ADAM9: variants seen among roughly 807,000 people sequenced by gnomAD.
ADAM9 encodes ADAM metallopeptidase domain 9.
ADAM9 carries 54 observed loss-of-function variants against 108.1 expected under a neutral mutation model. The ratio of observed to expected loss-of-function variants is 0.50; its 90% CI spans 0.40 to 0.63. ADAM9 has a LOEUF of 0.63. Among genes scored for constraint, ADAM9 ranks in the 20% least tolerant of loss-of-function variants. The probability of loss-of-function intolerance (pLI) is 0.00; values close to 1 mark genes in which losing one functional copy is unlikely to be tolerated. For missense variants in ADAM9, 830 were observed against 997.7 expected (o/e 0.83, Z 2.26); for synonymous variants, 316 against 336.0 (o/e 0.94, Z 0.65).
Position 39,103,948 on chromosome 8 carries a change from C to G in ADAM9, c.*248C>G, listed in dbSNP as rs1301433887. ...CATCATTGAATAAGTCTTATTCAGT[C>G]ATCGGTGAGGTTAATGCACTAATCA... On this transcript the variant is annotated 3_prime_UTR_variant, in exon 22 of 22. Coordinates refer to ENST00000487273, the MANE Select transcript of ADAM9 (RefSeq NM_003816.3). The G allele has an allele frequency of 1.2e-5, 8 of 648,126 alleles. No homozygotes were observed. The highest frequency in any genetic ancestry group is 1.2e-4 in the South Asian group (8 of 66,218). The allele number at this position is 648,126 out of a possible 1,614,324, so 40.1% of individuals were successfully genotyped here.
intron 20 of ADAM9, among the ~76,000 whole-genome samples, chr8:39,091,606 C>G (rs770860285): frequency 4.6e-5 from 7 of 152,142 alleles, no homozygotes; most frequent in Non-Finnish European, 8.8e-5. Context: ...CGTGCCTCAG[C>G]CTCCCGAGTA....
intron 1 of ADAM9, among the ~76,000 whole-genome samples, chr8:39,004,595 A>G (rs1049381803): frequency 1.3e-5 from 2 of 152,262 alleles, no homozygotes; most frequent in African/African-American, 4.8e-5. Context: ...TTAAGAAAGT[A>G]AAGGAATAAA....
At chr8:39,017,667 G>A (rs1836584429) in intron 6 of ADAM9, among the ~76,000 whole-genome samples, 1 of 152,148 alleles carries the variant, frequency 6.6e-6, no homozygotes, top group African/African-American at 2.4e-5. Context: ...TGTTCACTGT[G>A]GCCTTGACCT....
chr8:39,048,288 T>A (rs914949070), intron 12 of ADAM9, among the ~76,000 whole-genome samples: 5 of 152,232 alleles, frequency 3.3e-5, no homozygotes, highest in African/African-American at 1.2e-4. Flanking sequence ...TATTTTTTAA[T>A]CTTGTGTTTG....
chr8:39,005,807 G>A (rs935352026), intron 1 of ADAM9, among the ~76,000 whole-genome samples: 28 of 152,178 alleles, frequency 1.8e-4, no homozygotes, highest in Non-Finnish European at 2.9e-5. Context: ...AGCAAAATAA[G>A]CTTTAGTCTT....
intron 12 of ADAM9, among the ~76,000 whole-genome samples, chr8:39,052,193 T>A (rs1441545292): frequency 6.6e-6 from 1 of 152,160 alleles, no homozygotes; most frequent in Non-Finnish European, 1.5e-5. Context: ...GGCAAGCTGA[T>A]GGGTAAAAAA....
Position 39,007,886 on chromosome 8 carries a change from G to A in ADAM9, c.98G>A (p.Gly33Asp). The change falls in exon 2 of 22, where the codon GGC (glycine) becomes GAC (aspartate). Residue 33 changes from glycine to aspartate, a missense_variant and splice_region_variant. Physicochemically the swap from Gly to Asp is moderately conservative, Grantham distance 94. This residue lies in a region of ADAM9 where 211 missense variants were observed against 222.2 expected (regional missense o/e 0.95). Transcript: ENST00000487273. ...ATATTTGTTTTTGCCTTTTCTGTAG[G>A]CTTTCAACAGACCTCACATCTTTCT... ...VGPVLGAARP[G>D]FQQTSHLSSY... The A allele has an allele frequency of 6.2e-7, 1 of 1,605,858 alleles. No homozygotes were observed. The highest frequency in any genetic ancestry group is 8.5e-7 in the Non-Finnish European group (1 of 1,173,874).
chr8:38,998,321 G>C (rs890611514), intron 1 of ADAM9, among the ~76,000 whole-genome samples: 1 of 152,122 alleles, frequency 6.6e-6, no homozygotes, highest in Admixed American at 6.5e-5. Flanking sequence ...CTTTTCCGGT[G>C]GTATTCTAGA....
At chr8:39,093,073 G>A (rs1057361020) in intron 20 of ADAM9, among the ~76,000 whole-genome samples, 1 of 152,060 alleles carries the variant, frequency 6.6e-6, no homozygotes, top group Non-Finnish European at 1.5e-5. Context: ...CTCAAGATTG[G>A]TTTAGTGATT....
chr8:39,086,180 A>G (rs1839175454), intron 18 of ADAM9, among the ~76,000 whole-genome samples: 1 of 151,882 alleles, frequency 6.6e-6, no homozygotes, highest in Non-Finnish European at 1.5e-5. Context: ...ACGCCTGGCT[A>G]ACTTTTGTAT....
intron 2 of ADAM9, among the ~76,000 whole-genome samples, chr8:39,009,373 G>A (rs1836270463): frequency 6.6e-6 from 1 of 152,158 alleles, no homozygotes; most frequent in African/African-American, 2.4e-5. Flanking sequence ...CTGAGTAGCT[G>A]GGACTACAGG....
At chr8:39,085,864 G>A (rs1466738530) in intron 18 of ADAM9, among the ~76,000 whole-genome samples, 1 of 151,794 alleles carries the variant, frequency 6.6e-6, no homozygotes, top group African/African-American at 2.4e-5. Flanking sequence ...AAAATTTTTG[G>A]CCATCGTTTC....
At chr8:39,051,943 C>G (rs530877133) in intron 12 of ADAM9, among the ~76,000 whole-genome samples, 1 of 151,954 alleles carries the variant, frequency 6.6e-6, no homozygotes, top group East Asian at 1.9e-4. Context: ...ACATACACAC[C>G]TCATGTGTAT....
chr8:39,090,714 A>G (rs1839325713), intron 19 of ADAM9, among the ~76,000 whole-genome samples: 1 of 152,230 alleles, frequency 6.6e-6, no homozygotes, highest in Non-Finnish European at 1.5e-5. Flanking sequence ...TAGAGGACTA[A>G]GTAGATACTT....
chr8:39,052,130 C>T (rs77290671), intron 12 of ADAM9, among the ~76,000 whole-genome samples: 3,671 of 152,156 alleles, frequency 0.024, 67 homozygotes, highest in Non-Finnish European at 0.036. Context: ...GTATATTATG[C>T]CATTGTGTAC....
At chr8:39,070,836 A>G (rs998270032) in intron 14 of ADAM9, among the ~76,000 whole-genome samples, 5 of 152,086 alleles carry the variant, frequency 3.3e-5, no homozygotes, top group Non-Finnish European at 7.4e-5. Context: ...AATGTATTTA[A>G]TTAGTAGGGA....
chr8:39,072,706 C>G (rs1838735202), intron 15 of ADAM9, among the ~76,000 whole-genome samples: 1 of 152,224 alleles, frequency 6.6e-6, no homozygotes, highest in South Asian at 2.1e-4. Flanking sequence ...TCCTCCAGAT[C>G]TCAGGTGAAG....
chr8:39,030,095 T>C (rs959048209), intron 11 of ADAM9, among the ~76,000 whole-genome samples: 2 of 152,212 alleles, frequency 1.3e-5, no homozygotes, highest in Non-Finnish European at 2.9e-5. Flanking sequence ...AAACCTATAT[T>C]GACACATCAT....
intron 8 of ADAM9, among the ~76,000 whole-genome samples, chr8:39,022,487 C>T (rs1836779524): frequency 6.6e-6 from 1 of 152,122 alleles, no homozygotes; most frequent in African/African-American, 2.4e-5. Context: ...TAATCAGACT[C>T]ATTGATATTT....
Sources: allele counts gnomAD v4.1 joint callset (sites outside exome capture counted in the v4.1 genomes callset), GRCh38; gene constraint gnomAD v4.1.1; regional missense constraint gnomAD v4.1.1; transcripts MANE v1.5; gene names NCBI Gene and HGNC (gene_info 2026-07-23, HGNC 2026-07-21).